WDFY3: variants seen among roughly 807,000 people sequenced by gnomAD.
The protein encoded by WDFY3 is WD repeat and FYVE domain containing 3, also known as WD repeat and FYVE domain-containing protein 3.
WDFY3 carries 66 observed loss-of-function variants against 409.6 expected under a neutral mutation model. That is an observed-to-expected ratio of 0.16 (90% CI 0.13 to 0.20). The LOEUF (loss-of-function observed/expected upper bound fraction) is 0.20, where lower values mean the gene tolerates loss of function less well. Ranked by LOEUF, WDFY3 falls within the 10% of genes least tolerant of loss-of-function variation. WDFY3 has a pLI of 1.00. For synonymous variants in WDFY3, 1,521 were observed against 1,537.1 expected, an observed-to-expected ratio of 0.99 and a Z score of 0.25; for missense variants, 3,031 against 4,298.1, an observed-to-expected ratio of 0.71 and a Z score of 8.24.
intron 41 of WDFY3, 127 bp downstream of exon 41, chr4:84,737,057 G>A (rs1737569181): frequency 1.0e-6 from 1 of 957,678 alleles, no homozygotes; most frequent in African/African-American, 1.7e-5. Flanking sequence ...TAGAATGGTT[G>A]TTATATTGAT....
chr4:84,688,128 C>T lies in WDFY3; in HGVS notation c.9501G>A (p.Gly3167=), dbSNP rs553018580. ...AAAGAGCAGAAACTGGAGCTCGATG[C>T]CCTCGAAGCTGGGTTAGAAATGACA... ...NKLSFLTQLR[G]HRAPVSALCI... is the part of the protein sequence containing the mutation. The change falls in exon 62 of 68, where the codon GGG becomes GGA. Residue 3167 remains glycine (G), a synonymous_variant. Transcript: ENST00000295888. The T allele has an allele frequency of 3.7e-6, 6 of 1,614,000 alleles. No homozygotes were observed. The South Asian group carries it at 6.6e-5, about 18-fold the overall frequency.
At chr4:84,729,819 A>T (rs746180880) in intron 44 of WDFY3, among the ~76,000 whole-genome samples, 1 of 152,196 alleles carries the variant, frequency 6.6e-6, no homozygotes, top group Non-Finnish European at 1.5e-5. Flanking sequence ...GAGAAATAAT[A>T]ATTATTTTAA....
At chr4:84,930,423 TATA>T (rs1188639809) in intron 2 of WDFY3, among the ~76,000 whole-genome samples, 17 of 152,306 alleles carry the variant, frequency 1.1e-4, no homozygotes, top group African/African-American at 4.1e-4. Context: ...ATTAATTCTT[TATA>T]ATAATACCAT....
chr4:84,844,541 T>C lies in WDFY3; in HGVS notation c.305-3278A>G, dbSNP rs111877179. The stretch of plus-strand genomic sequence containing the variant: ...AAAAAAAAAGGCTGGGTTGTCTAAG[T>C]AGGGATTCACTAAATTCCACTAATC... On this transcript the variant is annotated intron_variant, in intron 5 of 67. Coordinates refer to ENST00000295888, the MANE Select transcript of WDFY3 (RefSeq NM_014991.6). 35 of 1,288,426 alleles carry C rather than the reference T, an allele frequency of 2.7e-5. No individual in the cohort carries two copies. In the African/African-American group the frequency reaches 3.2e-4, roughly 12 times the overall value. The allele number at this position is 1,288,426 out of a possible 1,614,324, so 79.8% of individuals were successfully genotyped here. A position where few individuals can be genotyped will look rare whatever the true frequency, so the allele number is the denominator to read the frequency against.
chr4:84,751,967 C>G (rs1740600825), intron 35 of WDFY3, among the ~76,000 whole-genome samples: 1 of 152,014 alleles, frequency 6.6e-6, no homozygotes, highest in Admixed American at 6.6e-5. Flanking sequence ...AATTGTATGT[C>G]TATTGTGGCT....
intron 2 of WDFY3, among the ~76,000 whole-genome samples, chr4:84,920,128 T>C (rs1374352308): frequency 6.6e-6 from 1 of 152,102 alleles, no homozygotes; most frequent in Non-Finnish European, 1.5e-5. Context: ...AAATGTCATA[T>C]AATAAAAGAT....
intron 24 of WDFY3, 42 bp downstream of exon 24, chr4:84,785,937 G>A: frequency 1.9e-6 from 3 of 1,604,634 alleles, no homozygotes; most frequent in Non-Finnish European, 2.6e-6. Context: ...CATGTTCCCA[G>A]TGAGAATCAG....
chr4:84,912,936 A>T (rs1255866901), intron 2 of WDFY3, among the ~76,000 whole-genome samples: 1 of 152,132 alleles, frequency 6.6e-6, no homozygotes, highest in Non-Finnish European at 1.5e-5. Flanking sequence ...TAAACACCAA[A>T]TGCCAGTATT....
At chr4:84,780,386 G>C in intron 25 of WDFY3, 88 bp from the exon 26 acceptor site, 1 of 1,260,392 alleles carries the variant, frequency 7.9e-7, no homozygotes, top group South Asian at 1.8e-5. Flanking sequence ...TTTTTAATTA[G>C]CAGTGTTTTA....
In WDFY3 at chr4:84,808,323, A is replaced by T. The variant is rs1417891520; in HGVS notation, c.2429+11T>A. ...ACAAATAGAGACTGACTTCTCTTAT[A>T]TGATCAGTACCTTTTCCTGGACAAA... On this transcript the variant is annotated intron_variant, in intron 15 of 67. Transcript: ENST00000295888. 1.9e-6 allele frequency: 3 copies of T among 1,609,224 alleles called. No individual in the cohort carries two copies. Among genetic ancestry groups the T allele is most frequent in the African/African-American group, 1.3e-5 (1 of 74,818 alleles).
At chr4:84,830,300 A>G (rs1450062203) in intron 8 of WDFY3, among the ~76,000 whole-genome samples, 2 of 152,176 alleles carry the variant, frequency 1.3e-5, no homozygotes, top group Non-Finnish European at 2.9e-5. Flanking sequence ...ACTTTATGTA[A>G]CCATATAAGC....
In WDFY3 at chr4:84,691,347, C is replaced by T. The variant is rs145820311; in HGVS notation, c.9204+284G>A. On this transcript the variant is annotated intron_variant, in intron 60 of 67. Transcript: ENST00000295888. Reference sequence around the variant, plus strand: ...GAGCTCCTTGCTGGCTAGGATCTCTCGGAGGAATTCTTTGAGTGAGAAGGA... The same window carrying T: ...GAGCTCCTTGCTGGCTAGGATCTCTTGGAGGAATTCTTTGAGTGAGAAGGA... Among the ~76,000 whole-genome samples the T allele has an allele frequency of 1.3e-3, 197 of 152,160 alleles. 3 individuals carry two copies. The highest frequency in any genetic ancestry group is 6.6e-3 in the East Asian group (34 of 5,172).
intron 1 of WDFY3, among the ~76,000 whole-genome samples, chr4:84,961,830 A>C (rs1774962422): frequency 6.6e-6 from 1 of 152,204 alleles, no homozygotes; most frequent in African/African-American, 2.4e-5. Flanking sequence ...AAACTCTCAG[A>C]TATTGCTGTA....
intron 37 of WDFY3, among the ~76,000 whole-genome samples, chr4:84,742,882 C>A (rs1241071197): frequency 1.3e-5 from 2 of 152,290 alleles, no homozygotes; most frequent in East Asian, 3.9e-4. Flanking sequence ...GGAGGTGCCA[C>A]AGAATTTGAT....
chr4:84,956,346 T>C (rs1210403259), intron 1 of WDFY3, among the ~76,000 whole-genome samples: 2 of 152,166 alleles, frequency 1.3e-5, no homozygotes, highest in Non-Finnish European at 2.9e-5. Flanking sequence ...TCGCTATTAT[T>C]TCAAGGACCC....
At chr4:84,690,459 A>G (rs1245908776) in intron 61 of WDFY3, 47 bp downstream of exon 61, 2 of 1,613,038 alleles carry the variant, frequency 1.2e-6, no homozygotes, top group Non-Finnish European at 1.7e-6. Context: ...GTGTAGGCAC[A>G]GGAGATGGAC....
chr4:84,818,438 T>C (rs1578663624), intron 12 of WDFY3, among the ~76,000 whole-genome samples: 1 of 152,214 alleles, frequency 6.6e-6, no homozygotes, highest in Non-Finnish European at 1.5e-5. Flanking sequence ...TTATTGCTTA[T>C]GTTTGGTCTT....
At chr4:84,786,336 G>A (rs1481970287) in intron 23 of WDFY3, among the ~76,000 whole-genome samples, 197 bp from the exon 24 acceptor site, 3 of 152,110 alleles carry the variant, frequency 2.0e-5, no homozygotes, top group Non-Finnish European at 4.4e-5. Context: ...TCTAGTCATA[G>A]AGTTCTACAT....
At chr4:84,704,582 A>C (rs1414755639) in intron 54 of WDFY3, 138 bp from the exon 55 acceptor site, 1 of 602,954 alleles carries the variant, frequency 1.7e-6, no homozygotes, top group Non-Finnish European at 2.8e-6. Context: ...CATTTGCAGC[A>C]GGAAAACTTC....
Sources: allele counts gnomAD v4.1 joint callset (sites outside exome capture counted in the v4.1 genomes callset), GRCh38; gene constraint gnomAD v4.1.1; transcripts MANE v1.5; gene names NCBI Gene and HGNC (gene_info 2026-07-23, HGNC 2026-07-21).